AUTS2: variants seen among roughly 807,000 people sequenced by gnomAD.
The protein encoded by AUTS2 is activator of transcription and developmental regulator AUTS2.
AUTS2 carries 17 observed loss-of-function variants against 112.4 expected under a neutral mutation model. The observed-to-expected ratio is 0.15, with a 90% CI of 0.10 to 0.23. The LOEUF is 0.23. Ranked by LOEUF, AUTS2 falls within the 10% of genes least tolerant of loss-of-function variation. The pLI, the probability that AUTS2 is intolerant of heterozygous loss-of-function variation, is 1.00. For synonymous variants in AUTS2, 751 were observed against 702.7 expected (o/e 1.07, Z -1.09); for missense variants, 1,510 against 1,701.6 (o/e 0.89, Z 1.98).
chr7:70,473,848 A>G (rs1313792339), intron 5 of AUTS2, among the ~76,000 whole-genome samples: 13 of 151,898 alleles, frequency 8.6e-5, no homozygotes, highest in Non-Finnish European at 1.9e-4. Flanking sequence ...TCCTGGGTCT[A>G]AGGTATTAGA....
intron 5 of AUTS2, among the ~76,000 whole-genome samples, chr7:70,491,624 T>C (rs535262722): frequency 1.8e-4 from 26 of 148,314 alleles, no homozygotes; most frequent in African/African-American, 6.5e-4. Context: ...TGTGTGTGTG[T>C]ATTTTTTTGA....
At chr7:70,579,195 T>C (rs1305949670) in intron 5 of AUTS2, among the ~76,000 whole-genome samples, 1 of 133,436 alleles carries the variant, frequency 7.5e-6, no homozygotes, top group Non-Finnish European at 1.5e-5. Context: ...TCCACAAGTG[T>C]TGAGGTTGCA....
At chr7:70,601,069 A>G (rs968823325) in intron 5 of AUTS2, among the ~76,000 whole-genome samples, 2 of 152,178 alleles carry the variant, frequency 1.3e-5, no homozygotes, top group African/African-American at 4.8e-5. Flanking sequence ...TGTTAACTCT[A>G]TGTTTCACTT....
intron 5 of AUTS2, among the ~76,000 whole-genome samples, chr7:70,491,838 G>A (rs953289439): frequency 3.3e-5 from 5 of 151,960 alleles, no homozygotes; most frequent in African/African-American, 4.8e-5. Flanking sequence ...TGGTCCCTAC[G>A]TCCTGACCTC....
intron 4 of AUTS2, among the ~76,000 whole-genome samples, chr7:70,272,696 A>C (rs1174465583): frequency 6.6e-6 from 1 of 152,042 alleles, no homozygotes. Context: ...TTCGGCTCTC[A>C]TACATCTATA....
intron 5 of AUTS2, among the ~76,000 whole-genome samples, chr7:70,459,519 G>C (rs1047476351): frequency 6.6e-6 from 1 of 152,178 alleles, no homozygotes; most frequent in African/African-American, 2.4e-5. Context: ...GTGAGCCCCA[G>C]CTCTTTTAAA....
chr7:70,662,827 G>T (rs1807140108), intron 5 of AUTS2, among the ~76,000 whole-genome samples: 1 of 152,080 alleles, frequency 6.6e-6, no homozygotes, highest in Admixed American at 6.6e-5. Flanking sequence ...AGTCTTGCTG[G>T]GTTCTCAGTC....
At position 70,577,997 on chromosome 7, in the gene AUTS2, A is replaced by AT. The variant is rs2129526650; in HGVS notation, c.691-120566dup. On this transcript the variant is annotated intron_variant, in intron 5 of 18. Coordinates refer to ENST00000342771, the MANE Select transcript of AUTS2 (RefSeq NM_015570.4). ...AGGCGCCCGCCACCACGCCCGGCTA[A>AT]TTTTTTGTATTTTTAGTAGAGACGG... Among the ~76,000 whole-genome samples the AT allele has an allele frequency of 1.3e-5, 2 of 151,778 alleles. 1 individual carries two copies. The highest frequency in any genetic ancestry group is 4.2e-4 in the South Asian group (2 of 4,790).
chr7:70,486,897 T>TCCC (rs35760947), intron 5 of AUTS2, among the ~76,000 whole-genome samples: 9 of 100,478 alleles, frequency 9.0e-5, no homozygotes, highest in South Asian at 4.1e-4. Context: ...GTTTTTGTAT[T>TCCC]CCCCCCCCCC....
chr7:70,274,119 A>G (rs1427671100), intron 4 of AUTS2, among the ~76,000 whole-genome samples: 1 of 152,072 alleles, frequency 6.6e-6, no homozygotes, highest in African/African-American at 2.4e-5. Context: ...GTGCTTCGTG[A>G]GTCCCAAATA....
intron 5 of AUTS2, among the ~76,000 whole-genome samples, chr7:70,648,897 CTTTG>C (rs1806327003): frequency 6.6e-6 from 1 of 152,070 alleles, no homozygotes; most frequent in Non-Finnish European, 1.5e-5. Context: ...TGGAAGGAAC[CTTTG>C]TTAAGAGTTC....
chr7:70,717,189 G>A (rs770239917), intron 6 of AUTS2, among the ~76,000 whole-genome samples: 5 of 151,582 alleles, frequency 3.3e-5, no homozygotes, highest in Admixed American at 6.6e-5. Flanking sequence ...GCATATATAC[G>A]TGCGTGCCAC....
chr7:70,021,758 A>G (rs972798851), intron 2 of AUTS2, among the ~76,000 whole-genome samples: 1 of 152,108 alleles, frequency 6.6e-6, no homozygotes, highest in African/African-American at 2.4e-5. Context: ...AATTTGTTCA[A>G]ATTGACTTGT....
chr7:69,992,800 G>A (rs1020190472), intron 2 of AUTS2, among the ~76,000 whole-genome samples: 3 of 152,116 alleles, frequency 2.0e-5, no homozygotes, highest in Non-Finnish European at 4.4e-5. Context: ...CGAGAGGATC[G>A]CTTGAGCCCA....
intron 4 of AUTS2, among the ~76,000 whole-genome samples, chr7:70,156,526 A>G (rs1335206582): frequency 6.6e-6 from 1 of 151,938 alleles, no homozygotes; most frequent in Non-Finnish European, 1.5e-5. Flanking sequence ...CTTTAGGTGA[A>G]CTCTCAGCTA....
chr7:69,816,104 A>G (rs934104752), intron 1 of AUTS2, among the ~76,000 whole-genome samples: 2 of 152,302 alleles, frequency 1.3e-5, no homozygotes, highest in East Asian at 3.9e-4. Flanking sequence ...TGTAATAGAA[A>G]TGATGCCTAG....
intron 2 of AUTS2, among the ~76,000 whole-genome samples, chr7:69,946,557 TACACACACACACACACACAC>T (rs57891742): frequency 0.03 from 4,294 of 144,038 alleles, 106 homozygotes; most frequent in South Asian, 0.084. Flanking sequence ...TGTGATGTGA[TACACACACACACACACACAC>T]ACACACACAC....
chr7:70,060,693 T>C (rs1179098504), intron 2 of AUTS2, among the ~76,000 whole-genome samples: 1 of 152,230 alleles, frequency 6.6e-6, no homozygotes, highest in Non-Finnish European at 1.5e-5. Context: ...GTTTAAGAAG[T>C]AGCATTGCAA....
intron 2 of AUTS2, among the ~76,000 whole-genome samples, chr7:70,056,264 C>G (rs912327042): frequency 6.6e-6 from 1 of 152,132 alleles, no homozygotes; most frequent in East Asian, 1.9e-4. Context: ...AGGATACAGG[C>G]GCCCAGCTCT....
Sources: allele counts gnomAD v4.1 joint callset (sites outside exome capture counted in the v4.1 genomes callset), GRCh38; gene constraint gnomAD v4.1.1; transcripts MANE v1.5; gene names NCBI Gene and HGNC (gene_info 2026-07-23, HGNC 2026-07-21).